Variants in SLC1A1 observed in about 807,000 individuals in gnomAD.
SLC1A1 encodes the protein excitatory amino acid transporter 3.
A neutral mutation model predicts 53.3 loss-of-function variants in SLC1A1; 43 were observed. The observed-to-expected ratio is 0.81, with a 90% CI of 0.63 to 1.04. The LOEUF is 1.04. Among genes scored for constraint, SLC1A1 ranks in the 50% least tolerant of loss-of-function variants. SLC1A1 has a pLI of 0.00. For synonymous variants in SLC1A1, 307 were observed against 243.2 expected (o/e 1.26, Z -2.44); for missense variants, 748 against 664.9 (o/e 1.12, Z -1.37).
In SLC1A1 at chr9:4,557,331, A is replaced by G. The variant is rs557053815; in HGVS notation, c.233-4118A>G. ...CTTCCTTTCCCCTGCCCATGCTTGC[A>G]AGGCAAAGAGCTTTTCCTGAATTTG... On this transcript the variant is annotated intron_variant, in intron 2 of 11. Transcript: ENST00000262352. Among the ~76,000 whole-genome samples, 42 of 152,372 alleles carry G rather than the reference A, an allele frequency of 2.8e-4. No homozygotes were observed. The South Asian group carries it at 2.9e-3, about 11-fold the overall frequency.
At chr9:4,518,031 C>G (rs1337816761) in intron 1 of SLC1A1, among the ~76,000 whole-genome samples, 1 of 151,884 alleles carries the variant, frequency 6.6e-6, no homozygotes, top group Non-Finnish European at 1.5e-5. Flanking sequence ...AGTTCAAGAC[C>G]AGCCTGGCCA....
chr9:4,579,901 G>GAAA (rs201517562), intron 10 of SLC1A1, among the ~76,000 whole-genome samples: 4 of 149,612 alleles, frequency 2.7e-5, no homozygotes, highest in Admixed American at 2.7e-4. Flanking sequence ...TGTCAAAATG[G>GAAA]AAAAAAAAAG....
intron 2 of SLC1A1, among the ~76,000 whole-genome samples, chr9:4,548,802 A>T (rs909955774): frequency 1.4e-5 from 2 of 147,312 alleles, no homozygotes; most frequent in East Asian, 2.0e-4. Context: ...GAAAAAAAAA[A>T]TGGCACAGTT....
At position 4,495,047 on chromosome 9, in the gene SLC1A1, T is replaced by C. The variant is rs1820364950; in HGVS notation, c.91+4277T>C. ...TAGATTCTGATTCCATTATCTAAAA[T>C]CAGAAACAGCTCCTTCATGGTCTTA... On this transcript the variant is annotated intron_variant, in intron 1 of 11. Coordinates refer to ENST00000262352, the MANE Select transcript of SLC1A1 (RefSeq NM_004170.6). Among the ~76,000 whole-genome samples, 2 of 152,166 alleles carry C rather than the reference T, an allele frequency of 1.3e-5. 1 individual carries two copies. Among genetic ancestry groups the C allele is most frequent in the Admixed American group, 1.3e-4 (2 of 15,274 alleles).
Position 4,583,882 on chromosome 9 carries a change from T to TCTCA in SLC1A1, c.1328+711_1328+712insTCAC, listed in dbSNP as rs1423949414. ...CTCTCTCTCTCTCTCTCTCTCTCTC[T>TCTCA]CACACACACACACACACACACACAC... On this transcript the variant is annotated intron_variant, in intron 11 of 11. Transcript: ENST00000262352. The surrounding 1 kb of genome is among the most constrained non-coding windows in gnomAD (Gnocchi z 4.6). Among the ~76,000 whole-genome samples the TCTCA allele has an allele frequency of 2.3e-3, 309 of 137,018 alleles. 2 individuals carry two copies. Among genetic ancestry groups the TCTCA allele is most frequent in the East Asian group, 0.019 (93 of 4,846 alleles). 89.9% of individuals were successfully genotyped at this position (137,018 alleles called of 152,430 possible).
Position 4,567,699 on chromosome 9 carries a change from C to G in SLC1A1, c.514C>G (p.Pro172Ala), listed in dbSNP as rs1332054037. The change falls in exon 6 of 12, where the codon CCC becomes GCC. Residue 172 changes from proline to alanine, a missense_variant. Coordinates refer to ENST00000262352, the MANE Select transcript of SLC1A1 (RefSeq NM_004170.6). The stretch of plus-strand genomic sequence containing the variant: ...AACTAAGCGTGAAGAAGTGAAGCCT[C>G]CCAGCGATCCAGAGATGAACATGAC... ...YKTKREEVKP[P>A]SDPEMNMTEE... 2 of 1,613,228 alleles carry G rather than the reference C, an allele frequency of 1.2e-6. No individual in the cohort carries two copies. The highest frequency in any genetic ancestry group is 1.7e-6 in the Non-Finnish European group (2 of 1,179,356).
chr9:4,565,310 T>C (rs929074235), intron 4 of SLC1A1, among the ~76,000 whole-genome samples: 2 of 152,172 alleles, frequency 1.3e-5, no homozygotes, highest in African/African-American at 2.4e-5. Flanking sequence ...TATAAAGAAT[T>C]TGGGAACAAA....
At chr9:4,581,805 C>G (rs1821124654) in intron 10 of SLC1A1, among the ~76,000 whole-genome samples, 1 of 152,188 alleles carries the variant, frequency 6.6e-6, no homozygotes, top group Non-Finnish European at 1.5e-5. Flanking sequence ...GTCAAAACCA[C>G]TGAATGAAAA....
intron 1 of SLC1A1, among the ~76,000 whole-genome samples, chr9:4,516,009 T>C (rs1409358763): frequency 6.6e-6 from 1 of 152,222 alleles, no homozygotes. Flanking sequence ...AAATGTCCTT[T>C]TGAGTGTAAG....
At chr9:4,499,390 T>A (rs1393246244) in intron 1 of SLC1A1, among the ~76,000 whole-genome samples, 5 of 152,190 alleles carry the variant, frequency 3.3e-5, no homozygotes, top group Admixed American at 3.3e-4. Flanking sequence ...GTTAAGTACC[T>A]TAGAGAAGAG....
At chr9:4,565,283 A>T (rs1234674042) in intron 4 of SLC1A1, among the ~76,000 whole-genome samples, 1 of 152,212 alleles carries the variant, frequency 6.6e-6, no homozygotes, top group Non-Finnish European at 1.5e-5. Context: ...AGTAATTATG[A>T]TGATATTTGC....
intron 1 of SLC1A1, among the ~76,000 whole-genome samples, chr9:4,518,198 G>A (rs916789377): frequency 8.4e-6 from 1 of 119,130 alleles, no homozygotes; most frequent in Non-Finnish European, 1.6e-5. Context: ...TCTCACCATT[G>A]CACTCCAGCC....
chr9:4,543,581 T>G (rs1326466284), intron 1 of SLC1A1, among the ~76,000 whole-genome samples: 1 of 152,102 alleles, frequency 6.6e-6, no homozygotes, highest in African/African-American at 2.4e-5. Context: ...CATTTCTTAA[T>G]AGTGAACATG....
chr9:4,583,215 G>C lies in SLC1A1; in HGVS notation c.1328+43G>C, dbSNP rs748073121. On this transcript the variant is annotated intron_variant, in intron 11 of 11. Transcript: ENST00000262352. The surrounding 1 kb of genome is among the most constrained non-coding windows in gnomAD (Gnocchi z 4.6). ...CACTGCCTTAGCTGGATGTGCAGGC[G>C]GGCTTCCCAGCCTCGCAGGCGCTGC... 1 of 1,612,564 alleles carries C rather than the reference G, an allele frequency of 6.2e-7. No homozygotes were observed. Among genetic ancestry groups the C allele is most frequent in the Non-Finnish European group, 8.5e-7 (1 of 1,178,714 alleles).
chr9:4,502,629 T>C lies in SLC1A1; in HGVS notation c.91+11859T>C, dbSNP rs139284845. Among the ~76,000 whole-genome samples the C allele has an allele frequency of 5.7e-3, 862 of 151,672 alleles. 32 individuals are homozygous for C. Among genetic ancestry groups the C allele is most frequent in the African/African-American group, 0.02 (807 of 41,012 alleles). Reference sequence around the variant, plus strand: ...GAAACTGAAATTTACAAGGCTTAGGTCATGTAGCTGAGCACACAGAGCTAG... The same window carrying C: ...GAAACTGAAATTTACAAGGCTTAGGCCATGTAGCTGAGCACACAGAGCTAG... On this transcript the variant is annotated intron_variant, in intron 1 of 11. Transcript: ENST00000262352.
rs1034211640 is a variant in SLC1A1 at position 4,563,607 on chromosome 9, T to C, written c.326-737T>C. ...AAAGAGCATGAGGACCTTTTTCTTC[T>C]TCACTTCCCTCCAGTCAAACACCCT... On this transcript the variant is annotated intron_variant, in intron 3 of 11. Transcript: ENST00000262352. Among the ~76,000 whole-genome samples, 3 of 152,170 alleles carry C rather than the reference T, an allele frequency of 2.0e-5. No individual in the cohort carries two copies. In the East Asian group the frequency reaches 5.8e-4, roughly 29 times the overall value.
intron 11 of SLC1A1, among the ~76,000 whole-genome samples, chr9:4,584,777 C>T (rs1821436272): frequency 6.6e-6 from 1 of 152,088 alleles, no homozygotes; most frequent in African/African-American, 2.4e-5. Flanking sequence ...TTTTCTGACC[C>T]CGTGCTCTGC....
chr9:4,540,456 C>A (rs1816908906), intron 1 of SLC1A1, among the ~76,000 whole-genome samples: 1 of 152,174 alleles, frequency 6.6e-6, no homozygotes, highest in South Asian at 2.1e-4. Flanking sequence ...AGAGGGCCCA[C>A]TGAACTGTTG....
At chr9:4,545,581 C>T in intron 2 of SLC1A1, among the ~76,000 whole-genome samples, 1 of 152,224 alleles carries the variant, frequency 6.6e-6, no homozygotes, top group East Asian at 1.9e-4. Flanking sequence ...GCACTCCTTA[C>T]CCACTTTCTA....
Sources: gnomAD v4.1 joint callset for allele counts (sites outside exome capture counted in the v4.1 genomes callset) on GRCh38, gnomAD v4.1.1 for gene constraint, Gnocchi (gnomAD v3.1) non-coding constraint, MANE v1.5 for transcripts, NCBI Gene and HGNC (gene_info 2026-07-23, HGNC 2026-07-21) for gene names.